PLA2G7: variants seen among roughly 807,000 people sequenced by gnomAD.
The protein encoded by PLA2G7 is phospholipase A2 group VII.
In PLA2G7, 63 loss-of-function variants were observed where a neutral mutation model predicts 49.6. The observed-to-expected ratio is 1.27, with a 90% confidence interval of 1.04 to 1.57. PLA2G7 has a LOEUF of 1.57. Ranked by LOEUF, PLA2G7 falls within the 40% of genes most tolerant of loss-of-function variation. The pLI, the probability that PLA2G7 is intolerant of heterozygous loss-of-function variation, is 0.00. For synonymous variants in PLA2G7, 193 were observed against 169.9 expected (o/e 1.14, Z -1.06); for missense variants, 596 against 521.2 (o/e 1.14, Z -1.40).
chr6:46,712,051 C>T (rs530141726), intron 6 of PLA2G7, among the ~76,000 whole-genome samples: 2 of 152,154 alleles, frequency 1.3e-5, no homozygotes, highest in Non-Finnish European at 1.5e-5. Context: ...AAAAACATTT[C>T]GCATAGGACA....
intron 5 of PLA2G7, among the ~76,000 whole-genome samples, chr6:46,713,358 T>A (rs1765094808): frequency 1.3e-5 from 2 of 152,292 alleles, no homozygotes; most frequent in African/African-American, 4.8e-5. Flanking sequence ...AGAGTAAATA[T>A]TTCCAGGTTT....
chr6:46,706,357 ACAG>A (rs1764827232), intron 10 of PLA2G7, among the ~76,000 whole-genome samples: 1 of 152,240 alleles, frequency 6.6e-6, no homozygotes, highest in South Asian at 2.1e-4. Flanking sequence ...AAGAAGATAA[ACAG>A]CAGGAATACA....
chr6:46,706,870 A>T (rs778790989), intron 10 of PLA2G7, among the ~76,000 whole-genome samples: 42 of 152,094 alleles, frequency 2.8e-4, no homozygotes, highest in Non-Finnish European at 4.7e-4. Flanking sequence ...TACTATCTAA[A>T]CTCTCTTGAT....
rs1008640779 is a variant in PLA2G7, at chr6:46,704,559, C to T, written c.*1G>A. 6.5e-7 allele frequency: 1 copy of T among 1,540,696 alleles called. No individual in the cohort carries two copies. The highest frequency in any genetic ancestry group is 1.1e-5 in the South Asian group (1 of 89,932). ...AGACTTTTAAAAAACCTATTTTAAT[C>T]CTAATTGTATTTCTCTATTCCTGAA... On this transcript the variant is annotated 3_prime_UTR_variant, in exon 12 of 12. Transcript: ENST00000274793.
intron 1 of PLA2G7, among the ~76,000 whole-genome samples, chr6:46,727,636 C>A (rs918659474): frequency 6.6e-6 from 1 of 152,154 alleles, no homozygotes; most frequent in African/African-American, 2.4e-5. Context: ...AATCAGTTGA[C>A]CTTAAAATAG....
intron 1 of PLA2G7, among the ~76,000 whole-genome samples, chr6:46,725,835 C>T (rs1765556965): frequency 6.6e-6 from 1 of 152,120 alleles, no homozygotes; most frequent in Non-Finnish European, 1.5e-5. Context: ...CCAAGGGGGC[C>T]ACGGGTGGCA....
intron 10 of PLA2G7, among the ~76,000 whole-genome samples, chr6:46,707,297 A>G (rs1240507113): frequency 6.6e-6 from 1 of 152,110 alleles, no homozygotes; most frequent in East Asian, 1.9e-4. Flanking sequence ...ACCCCCAAAA[A>G]TCTGTAGGCA....
Position 46,732,368 on chromosome 6 carries a change from T to TACACAC in PLA2G7, c.-35+2806_-35+2811dup, listed in dbSNP as rs59891486. The stretch of plus-strand genomic sequence containing the variant: ...CCCTCCCATATATCCAACACACACA[T>TACACAC]ACACACACACACACACACACACACA... On this transcript the variant is annotated intron_variant, in intron 1 of 11. Transcript: ENST00000274793. Among the ~76,000 whole-genome samples, 202 of 140,958 alleles carry TACACAC rather than the reference T, an allele frequency of 1.4e-3. 1 individual carries two copies. The highest frequency in any genetic ancestry group is 7.2e-3 in the Middle Eastern group (2 of 278). 92.5% of individuals were successfully genotyped at this position (140,958 alleles called of 152,430 possible). A position where few individuals can be genotyped will look rare whatever the true frequency, so the allele number is the denominator to read the frequency against.
intron 2 of PLA2G7, among the ~76,000 whole-genome samples, chr6:46,719,847 TC>T (rs2150704740): frequency 6.6e-6 from 1 of 152,342 alleles, no homozygotes; most frequent in South Asian, 2.1e-4. Context: ...GCTAGGTAAA[TC>T]TGTGCTGAGT....
chr6:46,733,417 T>C (rs1028715094), intron 1 of PLA2G7, among the ~76,000 whole-genome samples: 1 of 149,162 alleles, frequency 6.7e-6, no homozygotes, highest in African/African-American at 2.5e-5. Flanking sequence ...TTCACAACAC[T>C]CCTAATGCTG....
chr6:46,726,581 G>A (rs746251713), intron 1 of PLA2G7, among the ~76,000 whole-genome samples: 9 of 151,944 alleles, frequency 5.9e-5, no homozygotes, highest in African/African-American at 9.7e-5. Context: ...TGATACAGCC[G>A]TCTTCATCAT....
intron 9 of PLA2G7, among the ~76,000 whole-genome samples, chr6:46,709,075 G>A (rs1299249131): frequency 6.6e-6 from 1 of 152,122 alleles, no homozygotes; most frequent in African/African-American, 2.4e-5. Context: ...TCAGTGAAAA[G>A]TGTTAACCCC....
At position 46,714,565 on chromosome 6, in the gene PLA2G7, T is replaced by A; in HGVS notation, c.377-12A>T. 1 of 1,490,456 alleles carries A rather than the reference T, an allele frequency of 6.7e-7. No homozygotes were observed. The allele number at this position is 1,490,456 out of a possible 1,614,324, so 92.3% of individuals were successfully genotyped here. A position where few individuals can be genotyped will look rare whatever the true frequency, so the allele number is the denominator to read the frequency against. On this transcript the variant is annotated splice_polypyrimidine_tract_variant and intron_variant, in intron 4 of 11. Transcript: ENST00000274793. ...AGTTGTCATTGAACCTAGACAACAA[T>A]GGAAGGTTATAGTTAAGGTTTTCTC...
intron 1 of PLA2G7, among the ~76,000 whole-genome samples, chr6:46,727,146 A>G (rs1427008159): frequency 6.6e-6 from 1 of 152,010 alleles, no homozygotes; most frequent in Non-Finnish European, 1.5e-5. Context: ...CATTTCTCCC[A>G]CTGAAACCAC....
At chr6:46,709,027 A>G (rs556391881) in intron 9 of PLA2G7, among the ~76,000 whole-genome samples, 3 of 152,266 alleles carry the variant, frequency 2.0e-5, no homozygotes, top group African/African-American at 7.2e-5. Flanking sequence ...TATTATCACA[A>G]TCATTATGTC....
At chr6:46,713,666 A>G (rs1421372) in intron 5 of PLA2G7, among the ~76,000 whole-genome samples, 127,966 of 152,170 alleles carry the variant, frequency 0.84, 54,087 homozygotes, top group African/African-American at 0.92. Context: ...AATCCCTTGA[A>G]GTAGAAGAGG....
rs151096731 is a variant in PLA2G7, at chr6:46,722,651, A to G, written c.109+132T>C. ...AAAGTGAGAACCTCTCCCCTACTCC[A>G]GGAGAATACAGGATCTCCATAAGCC... On this transcript the variant is annotated intron_variant, in intron 2 of 11. Coordinates refer to ENST00000274793, the MANE Select transcript of PLA2G7 (RefSeq NM_005084.4). The G allele has an allele frequency of 5.9e-4, 405 of 688,898 alleles. No individual in the cohort carries two copies. The African/African-American group carries it at 6.2e-3, about 11-fold the overall frequency. The allele number at this position is 688,898 out of a possible 1,614,324, so 42.7% of individuals were successfully genotyped here.
intron 4 of PLA2G7, among the ~76,000 whole-genome samples, chr6:46,715,834 C>A (rs952793163): frequency 1.3e-5 from 2 of 152,086 alleles, no homozygotes; most frequent in South Asian, 2.1e-4. Context: ...TCTAGTCAAA[C>A]AGATAAGGAA....
intron 2 of PLA2G7, among the ~76,000 whole-genome samples, chr6:46,717,702 CTTTTTTCT>C (rs1051232502): frequency 3.9e-5 from 4 of 101,670 alleles, no homozygotes; most frequent in African/African-American, 1.7e-4. Flanking sequence ...TATTTTCTTT[CTTTTTTCT>C]TTTTCTTTTT....
Sources: allele counts gnomAD v4.1 joint callset (sites outside exome capture counted in the v4.1 genomes callset), GRCh38; gene constraint gnomAD v4.1.1; transcripts MANE v1.5; gene names NCBI Gene and HGNC (gene_info 2026-07-23, HGNC 2026-07-21).